Variants in ART1 observed in about 807,000 individuals in gnomAD.
The protein encoded by ART1 is GPI-linked NAD(P)(+)--arginine ADP-ribosyltransferase 1.
ART1 carries 29 observed loss-of-function variants against 27.0 expected under a neutral mutation model. The ratio of observed to expected loss-of-function variants is 1.08; its 90% CI spans 0.80 to 1.47. The LOEUF (loss-of-function observed/expected upper bound fraction) is 1.47. Ranked by LOEUF, ART1 falls within the 40% of genes most tolerant of loss-of-function variation. The probability of loss-of-function intolerance (pLI) is 0.00; values close to 1 mark genes in which losing one functional copy is unlikely to be tolerated. For missense variants in ART1, 480 were observed against 423.0 expected (o/e 1.13, Z -1.18); for synonymous variants, 201 against 172.2 (o/e 1.17, Z -1.31).
chr11:3,661,870 G>C (rs1275188821), intron 4 of ART1, among the ~76,000 whole-genome samples: 1 of 152,216 alleles, frequency 6.6e-6, no homozygotes, highest in African/African-American at 2.4e-5. Flanking sequence ...TGGCACCTTG[G>C]GGGTTGCCAG....
intron 1 of ART1, among the ~76,000 whole-genome samples, chr11:3,648,462 G>A (rs1239132122): frequency 6.6e-6 from 1 of 152,138 alleles, no homozygotes; most frequent in Non-Finnish European, 1.5e-5. Flanking sequence ...CCAGTAAGCA[G>A]ACTCTTTTTA....
At chr11:3,645,651 G>C (rs72844330) in intron 1 of ART1, among the ~76,000 whole-genome samples, 5,825 of 152,228 alleles carry the variant, frequency 0.038, 119 homozygotes, top group Non-Finnish European at 0.049. Context: ...CAAACATGCT[G>C]GGGCCTCCCC....
At chr11:3,650,479 A>G (rs2077511880) in intron 1 of ART1, among the ~76,000 whole-genome samples, 1 of 152,188 alleles carries the variant, frequency 6.6e-6, no homozygotes, top group Admixed American at 6.5e-5. Flanking sequence ...TAACTCTCAC[A>G]GTGGAAAGTA....
At chr11:3,662,134 G>A (rs532328815) in intron 4 of ART1, among the ~76,000 whole-genome samples, 1 of 152,366 alleles carries the variant, frequency 6.6e-6, no homozygotes, top group Admixed American at 6.5e-5. Context: ...CACCTTTGAA[G>A]GCCATGAGGC....
chr11:3,661,488 A>ATTT (rs2077620040), intron 4 of ART1, 75 bp downstream of exon 4: 35 of 365,704 alleles, frequency 9.6e-5, no homozygotes, highest in South Asian at 3.6e-4. Context: ...CATCACCTCG[A>ATTT]TCTTTTTTTT....
At chr11:3,655,027 C>G (rs1396063461) in intron 1 of ART1, among the ~76,000 whole-genome samples, 3 of 152,196 alleles carry the variant, frequency 2.0e-5, no homozygotes, top group Admixed American at 6.5e-5. Flanking sequence ...GGCAAACAAA[C>G]ATTTACTCCC....
At chr11:3,652,748 G>T (rs958931790) in intron 1 of ART1, among the ~76,000 whole-genome samples, 9 of 151,246 alleles carry the variant, frequency 6.0e-5, no homozygotes, top group Middle Eastern at 3.4e-3. Context: ...TGTTTACACT[G>T]CCGGTTTACA....
At chr11:3,657,068 G>A (rs1326724032) in intron 1 of ART1, among the ~76,000 whole-genome samples, 1 of 152,168 alleles carries the variant, frequency 6.6e-6, no homozygotes, top group Non-Finnish European at 1.5e-5. Flanking sequence ...TAGAGTCACT[G>A]AACTATCCAA....
intron 1 of ART1, among the ~76,000 whole-genome samples, chr11:3,648,788 T>A (rs965997161): frequency 6.6e-6 from 1 of 151,028 alleles, no homozygotes; most frequent in African/African-American, 2.4e-5. Context: ...GGAGGAGGGG[T>A]AAGTACCCCA....
chr11:3,648,463 A>C (rs778885853), intron 1 of ART1, among the ~76,000 whole-genome samples: 2 of 151,690 alleles, frequency 1.3e-5, no homozygotes, highest in Non-Finnish European at 2.9e-5. Context: ...CAGTAAGCAG[A>C]CTCTTTTTAC....
At chr11:3,658,220 C>T (rs1291887091) in intron 1 of ART1, among the ~76,000 whole-genome samples, 4 of 151,626 alleles carry the variant, frequency 2.6e-5, no homozygotes, top group Non-Finnish European at 5.9e-5. Context: ...CTAGTCCCAG[C>T]TACTCCGGAG....
chr11:3,655,432 T>C (rs934070567), intron 1 of ART1: 5 of 152,322 alleles, frequency 3.3e-5, no homozygotes, highest in East Asian at 3.9e-4. Flanking sequence ...CCAGCCCTCA[T>C]TGGTTGAAGG....
At chr11:3,651,316 C>T (rs1438997998) in intron 1 of ART1, among the ~76,000 whole-genome samples, 4 of 151,108 alleles carry the variant, frequency 2.6e-5, no homozygotes, top group African/African-American at 9.8e-5. Flanking sequence ...GCTTCACAGA[C>T]AGCCCCCATT....
At chr11:3,661,487 G>GAA in intron 4 of ART1, 74 bp downstream of exon 4, 4 of 497,564 alleles carry the variant, frequency 8.0e-6, no homozygotes, top group Non-Finnish European at 9.7e-6. Context: ...CCATCACCTC[G>GAA]ATCTTTTTTT....
In ART1 at chr11:3,659,648, G is replaced by A. The variant is rs35318694; in HGVS notation, c.129G>A (p.Leu43=). Residue 43 remains leucine, a synonymous_variant, in exon 3 of 5, where the codon CTG becomes CTA. Coordinates refer to ENST00000250693, the MANE Select transcript of ART1 (RefSeq NM_004314.3). ...AAGAGATTCAGCTGGACATGGCCCT[G>A]GCCTCCTTTGATGACCAGTACGCTG... ...FSQEIQLDMA[L]ASFDDQYAGC... is the part of the protein sequence containing the mutation. The A allele has an allele frequency of 1.6e-3, 2,653 of 1,613,704 alleles. 35 individuals are homozygous for A. In the African/African-American group the frequency reaches 0.031, roughly 19 times the overall value.
intron 1 of ART1, among the ~76,000 whole-genome samples, chr11:3,648,006 A>C (rs917572263): frequency 7.9e-5 from 12 of 152,164 alleles, no homozygotes; most frequent in African/African-American, 2.9e-4. Flanking sequence ...GCACAAACAC[A>C]TCCAGATGGC....
chr11:3,649,300 C>T (rs963967614), intron 1 of ART1, among the ~76,000 whole-genome samples: 1 of 152,144 alleles, frequency 6.6e-6, no homozygotes, highest in African/African-American at 2.4e-5. Flanking sequence ...AATACAAACT[C>T]GACAGTGGTT....
intron 1 of ART1, among the ~76,000 whole-genome samples, chr11:3,656,288 A>G (rs946692672): frequency 1.3e-5 from 2 of 152,136 alleles, no homozygotes; most frequent in South Asian, 2.1e-4. Flanking sequence ...GTCTCAAGCA[A>G]TCCTCCTACC....
In ART1 at chr11:3,664,118, G is replaced by A. The variant is rs369600232; in HGVS notation, c.913G>A (p.Val305Ile). The A allele has an allele frequency of 3.6e-5, 58 of 1,613,882 alleles. No homozygotes were observed. The highest frequency in any genetic ancestry group is 4.8e-5 in the Non-Finnish European group (57 of 1,180,030). ...SAMGQSPLSA[V>I]WSLLLLLWFL... Reference sequence around the variant, plus strand: ...CATGGGTCAGAGCCCCCTCTCTGCAGTCTGGTCTTTGCTGCTGCTGCTCTG... The same window carrying A: ...CATGGGTCAGAGCCCCCTCTCTGCAATCTGGTCTTTGCTGCTGCTGCTCTG... The change falls in exon 5 of 5, where the codon GTC becomes ATC. Residue 305 changes from valine to isoleucine, a missense_variant. Transcript: ENST00000250693.
Sources: gnomAD v4.1 joint callset for allele counts (sites outside exome capture counted in the v4.1 genomes callset) on GRCh38, gnomAD v4.1.1 for gene constraint, MANE v1.5 for transcripts, NCBI Gene and HGNC (gene_info 2026-07-23, HGNC 2026-07-21) for gene names.